TXK: variants seen among roughly 807,000 people sequenced by gnomAD.
The protein encoded by TXK is tyrosine-protein kinase TXK.
In TXK, 60 loss-of-function variants were observed where a neutral mutation model predicts 81.0. The ratio of observed to expected loss-of-function variants is 0.74; its 90% CI spans 0.60 to 0.92. The LOEUF (loss-of-function observed/expected upper bound fraction) is 0.92, where lower values mean the gene tolerates loss of function less well. Ranked by LOEUF, TXK falls within the 40% of genes least tolerant of loss-of-function variation. TXK has a pLI of 0.00. For missense variants in TXK, 581 were observed against 638.3 expected (o/e 0.91, Z 0.97); for synonymous variants, 203 against 210.7 (o/e 0.96, Z 0.32).
intron 10 of TXK, among the ~76,000 whole-genome samples, chr4:48,085,928 G>A (rs1717510803): frequency 6.6e-6 from 1 of 152,116 alleles, no homozygotes; most frequent in Non-Finnish European, 1.5e-5. Flanking sequence ...GCCATACAAG[G>A]ACCCAGGTAT....
At chr4:48,112,875 A>G (rs1455361164) in intron 3 of TXK, among the ~76,000 whole-genome samples, 2 of 151,702 alleles carry the variant, frequency 1.3e-5, no homozygotes, top group African/African-American at 4.8e-5. Flanking sequence ...ATGTGGTGGC[A>G]GTTTGTGCTT....
At chr4:48,080,155 A>G in intron 10 of TXK, 27 bp from the exon 11 acceptor site, 2 of 1,550,070 alleles carry the variant, frequency 1.3e-6, no homozygotes, top group Non-Finnish European at 1.8e-6. Context: ...TACACCAGTG[A>G]GCAGAATTGT....
At chr4:48,075,647 C>T (rs564570245) in intron 12 of TXK, among the ~76,000 whole-genome samples, 13 of 150,572 alleles carry the variant, frequency 8.6e-5, no homozygotes, top group Non-Finnish European at 1.6e-4. Context: ...AAGACTCTGT[C>T]GAAAAAAAAA....
chr4:48,073,168 C>T (rs1007945046), intron 13 of TXK, among the ~76,000 whole-genome samples: 1 of 148,714 alleles, frequency 6.7e-6, no homozygotes, highest in Non-Finnish European at 1.5e-5. Flanking sequence ...CTCAAACAAT[C>T]CTCCCACTTC....
intron 1 of TXK, among the ~76,000 whole-genome samples, chr4:48,128,118 A>AT (rs1719143271): frequency 6.6e-6 from 1 of 152,242 alleles, no homozygotes; most frequent in Admixed American, 6.5e-5. Flanking sequence ...TGAAGTTTAC[A>AT]TCGTCACCTC....
intron 5 of TXK, among the ~76,000 whole-genome samples, chr4:48,107,693 G>A (rs1718499371): frequency 6.6e-6 from 1 of 151,900 alleles, no homozygotes; most frequent in African/African-American, 2.4e-5. Flanking sequence ...TCTTCCTGAT[G>A]CTCTCCCTCC....
At chr4:48,080,669 C>CACACAA (rs1196949538) in intron 10 of TXK, among the ~76,000 whole-genome samples, 4 of 137,798 alleles carry the variant, frequency 2.9e-5, no homozygotes, top group Non-Finnish European at 6.0e-5. Context: ...TAATCACACA[C>CACACAA]ACACACACAC....
intron 11 of TXK, 56 bp downstream of exon 11, chr4:48,079,856 T>C (rs1351807767): frequency 2.5e-6 from 3 of 1,190,000 alleles, no homozygotes; most frequent in East Asian, 4.7e-5. Flanking sequence ...AATTGTCACA[T>C]CCTTCTGAAT....
intron 8 of TXK, among the ~76,000 whole-genome samples, chr4:48,093,324 A>T (rs1462766882): frequency 6.6e-6 from 1 of 152,258 alleles, no homozygotes; most frequent in Non-Finnish European, 1.5e-5. Flanking sequence ...AATCTAAAAA[A>T]GAAGTGCATG....
Position 48,132,508 on chromosome 4 carries a change from G to A in TXK, c.16+1647C>T, listed in dbSNP as rs1035307642. ...CGTCCAGCATTTGTGGATCACAGTT[G>A]GCAGCTTTATATGTATACAAATATA... On this transcript the variant is annotated intron_variant, in intron 1 of 14. Coordinates refer to ENST00000264316, the MANE Select transcript of TXK (RefSeq NM_003328.3). Among the ~76,000 whole-genome samples, 3 of 152,222 alleles carry A rather than the reference G, an allele frequency of 2.0e-5. No individual in the cohort carries two copies. In the East Asian group the frequency reaches 5.8e-4, roughly 29 times the overall value.
At chr4:48,083,584 T>C (rs1254968469) in intron 10 of TXK, among the ~76,000 whole-genome samples, 3 of 152,244 alleles carry the variant, frequency 2.0e-5, no homozygotes, top group Non-Finnish European at 4.4e-5. Flanking sequence ...ATAAGCCTTC[T>C]AAATGTTCTC....
intron 8 of TXK, among the ~76,000 whole-genome samples, chr4:48,091,021 C>T (rs1717745834): frequency 6.6e-6 from 1 of 152,228 alleles, no homozygotes; most frequent in African/African-American, 2.4e-5. Flanking sequence ...AAGATTCCAG[C>T]AGATTCCAAG....
intron 10 of TXK, 59 bp downstream of exon 10, chr4:48,086,407 G>A: frequency 6.4e-7 from 1 of 1,572,104 alleles, no homozygotes; most frequent in Non-Finnish European, 8.7e-7. Context: ...CAAAGCTCAT[G>A]TTGTTTCCAT....
intron 10 of TXK, among the ~76,000 whole-genome samples, chr4:48,083,873 T>C (rs992770369): frequency 6.6e-6 from 1 of 152,192 alleles, no homozygotes; most frequent in African/African-American, 2.4e-5. Context: ...ACAGAAAGCA[T>C]TTGGCAGTGG....
At position 48,112,313 on chromosome 4, in the gene TXK, C is replaced by T. The variant is rs539306439; in HGVS notation, c.374G>A (p.Arg125His). The change falls in exon 4 of 15, where the codon CGT (arginine) becomes CAT (histidine). Residue 125 changes from arginine (R) to histidine (H), a missense_variant. Transcript: ENST00000264316. ...AGTCATGTAAGTGTCTTACCCCAAACGGTCTCTTGCCTTCCACCAGTGAGG... is the reference window on the plus strand; with the variant it reads ...AGTCATGTAAGTGTCTTACCCCAAATGGTCTCTTGCCTTCCACCAGTGAGG... ...YNPHWWKARD[R>H]LGNEGLIPSN... 20 of 1,613,930 alleles carry T rather than the reference C, an allele frequency of 1.2e-5. No homozygotes were observed. The highest frequency in any genetic ancestry group is 1.2e-4 in the Admixed American group (7 of 60,004).
intron 10 of TXK, among the ~76,000 whole-genome samples, chr4:48,080,371 G>A (rs74640509): frequency 7.4e-4 from 113 of 152,178 alleles, no homozygotes; most frequent in African/African-American, 2.2e-3. Context: ...TATATTCTAC[G>A]CGTAAGCATT....
chr4:48,119,510 T>C (rs967630016), intron 1 of TXK, among the ~76,000 whole-genome samples: 1 of 152,152 alleles, frequency 6.6e-6, no homozygotes, highest in East Asian at 1.9e-4. Context: ...TGCTGTTTCA[T>C]TGCTCCCCCC....
chr4:48,128,490 T>G (rs905686735), intron 1 of TXK, among the ~76,000 whole-genome samples: 5 of 151,856 alleles, frequency 3.3e-5, no homozygotes, highest in Non-Finnish European at 7.4e-5. Context: ...TCCTTTTTGT[T>G]TTTTTTTCCA....
chr4:48,113,247 C>T lies in TXK; in HGVS notation c.134G>A (p.Arg45His), dbSNP rs7658300. 538,862 of 1,611,686 alleles carry T rather than the reference C, an allele frequency of 0.33. 96,961 individuals carry two copies. Among genetic ancestry groups the T allele is most frequent in the Admixed American group, 0.41 (24,805 of 59,912 alleles). ...DEELPEKYTQ[R>H]RRPWLSQLSN... ...CAATTGGCTGAGCCACGGCCTGCGA[C>T]GCTGGGTGTATTTTTCTGGAAGCTC... Residue 45 changes from arginine to histidine, a missense_variant, in exon 3 of 15, where the codon CGT becomes CAT. Transcript: ENST00000264316.
Sources: gnomAD v4.1 joint callset for allele counts (sites outside exome capture counted in the v4.1 genomes callset) on GRCh38, gnomAD v4.1.1 for gene constraint, MANE v1.5 for transcripts, NCBI Gene and HGNC (gene_info 2026-07-23, HGNC 2026-07-21) for gene names.